WDR25: variants seen among roughly 807,000 people sequenced by gnomAD.
WDR25 encodes WD repeat-containing protein 25.
Under a neutral mutation model 47.7 loss-of-function variants are expected in WDR25, and 35 were observed. That is an observed-to-expected ratio of 0.73 (90% CI 0.56 to 0.97). WDR25 has a LOEUF of 0.97. WDR25 is among the 50% of genes least tolerant of loss of function. The pLI, the probability that WDR25 is intolerant of heterozygous loss-of-function variation, is 0.00. For missense variants in WDR25, 634 were observed against 704.7 expected (o/e 0.90, Z 1.14); for synonymous variants, 248 against 278.9 (o/e 0.89, Z 1.10).
intron 2 of WDR25, among the ~76,000 whole-genome samples, chr14:100,382,523 A>T (rs1394586261): frequency 6.6e-6 from 1 of 152,024 alleles, no homozygotes; most frequent in African/African-American, 2.4e-5. Context: ...TTTACATGGA[A>T]ACTCTTTTTT....
In WDR25 at chr14:100,431,479, T is replaced by G. The variant is rs116204205; in HGVS notation, c.823-36542T>G. ...AACTGAATTAATATTGAGGATGATA[T>G]GCAGAGAATATGACAGTTGGAGAGC... On this transcript the variant is annotated intron_variant, in intron 2 of 6. Coordinates refer to ENST00000402312, the MANE Select transcript of WDR25 (RefSeq NM_001161476.3). Among the ~76,000 whole-genome samples, 689 of 152,246 alleles carry G rather than the reference T, an allele frequency of 4.5e-3. 4 individuals are homozygous for G. The highest frequency in any genetic ancestry group is 0.016 in the African/African-American group (671 of 41,544).
intron 2 of WDR25, among the ~76,000 whole-genome samples, chr14:100,427,593 G>A (rs80274253): frequency 0.03 from 4,529 of 152,310 alleles, 91 homozygotes; most frequent in Non-Finnish European, 0.045. Flanking sequence ...GGCAGGAGCC[G>A]GGGGTGACGT....
intron 2 of WDR25, among the ~76,000 whole-genome samples, chr14:100,446,550 C>CAAAA (rs55946078): frequency 4.0e-5 from 3 of 75,000 alleles, no homozygotes; most frequent in East Asian, 3.6e-4. Flanking sequence ...GACTCCATCT[C>CAAAA]AAAAAAAAAA....
chr14:100,450,221 T>C (rs1898980151), intron 2 of WDR25, among the ~76,000 whole-genome samples: 1 of 152,168 alleles, frequency 6.6e-6, no homozygotes, highest in Non-Finnish European at 1.5e-5. Flanking sequence ...CTCTTGTTGC[T>C]CTCCTCCTTC....
rs560117623 is a variant in WDR25 at position 100,481,495 on chromosome 14, A to C, written c.971-2499A>C. Among the ~76,000 whole-genome samples, 11 of 150,176 alleles carry C rather than the reference A, an allele frequency of 7.3e-5. No individual in the cohort carries two copies. The South Asian group carries it at 2.3e-3, about 32-fold the overall frequency. ...TTGCTGGTTGTTTATTTTTTGGTACAACCAGAAAATAGTGTGGGATATTGA... is the reference window on the plus strand; with the variant it reads ...TTGCTGGTTGTTTATTTTTTGGTACCACCAGAAAATAGTGTGGGATATTGA... On this transcript the variant is annotated intron_variant, in intron 3 of 6. Transcript: ENST00000402312.
chr14:100,529,591 G>C lies in WDR25; in HGVS notation c.1414-229G>C. 1 of 609,282 alleles carries C rather than the reference G, an allele frequency of 1.6e-6. No individual in the cohort carries two copies. The highest frequency in any genetic ancestry group is 2.0e-5 in the South Asian group (1 of 50,224). The allele number at this position is 609,282 out of a possible 1,614,324, so 37.7% of individuals were successfully genotyped here. On this transcript the variant is annotated intron_variant, in intron 6 of 6. Transcript: ENST00000402312. The surrounding 1 kb of genome is among the most constrained non-coding windows in gnomAD (Gnocchi z 5.1). Reference sequence around the variant, plus strand: ...TCACTGAGGCCAGACCCCTCAGCTGGGCTGGAGCTGGTCCCGCTGGATCTG... The same window carrying C: ...TCACTGAGGCCAGACCCCTCAGCTGCGCTGGAGCTGGTCCCGCTGGATCTG...
chr14:100,438,144 A>G (rs1898557448), intron 2 of WDR25, among the ~76,000 whole-genome samples: 1 of 152,242 alleles, frequency 6.6e-6, no homozygotes, highest in Non-Finnish European at 1.5e-5. Flanking sequence ...GCTGGTGTCT[A>G]ATTTCCAAGT....
intron 2 of WDR25, among the ~76,000 whole-genome samples, chr14:100,467,376 G>C (rs1056266926): frequency 6.6e-5 from 10 of 152,030 alleles, no homozygotes; most frequent in Admixed American, 5.9e-4. Flanking sequence ...AGATGCCAGG[G>C]ACGCAGGTGA....
At chr14:100,383,526 C>A (rs1896952660) in intron 2 of WDR25, among the ~76,000 whole-genome samples, 1 of 152,226 alleles carries the variant, frequency 6.6e-6, no homozygotes, top group Non-Finnish European at 1.5e-5. Flanking sequence ...TTTTACCTGC[C>A]CGCTCACCTC....
intron 2 of WDR25, among the ~76,000 whole-genome samples, chr14:100,426,522 G>T (rs561363926): frequency 6.6e-6 from 1 of 152,248 alleles, no homozygotes; most frequent in Admixed American, 6.5e-5. Flanking sequence ...AGACGCCTGC[G>T]TGCGCCCAGC....
In WDR25 at chr14:100,441,951, A is replaced by G. The variant is rs538193183; in HGVS notation, c.823-26070A>G. Among the ~76,000 whole-genome samples, 3 of 152,282 alleles carry G rather than the reference A, an allele frequency of 2.0e-5. No homozygotes were observed. The South Asian group carries it at 6.2e-4, about 32-fold the overall frequency. On this transcript the variant is annotated intron_variant, in intron 2 of 6. Transcript: ENST00000402312. ...TAGCTGAGAAACTTGTTAGAGGGTA[A>G]AGCAGTTGCTCAGGGTCACACATAG... is the stretch of plus-strand genomic sequence containing the variant.
Position 100,398,158 on chromosome 14 carries a change from G to C in WDR25, c.822+16412G>C, listed in dbSNP as rs556079354. Among the ~76,000 whole-genome samples, 441 of 152,328 alleles carry C rather than the reference G, an allele frequency of 2.9e-3. 1 individual carries two copies. The highest frequency in any genetic ancestry group is 4.5e-3 in the Non-Finnish European group (303 of 68,034). The stretch of plus-strand genomic sequence containing the variant: ...CGGCCTGGAGAAGACTTCTGATCAG[G>C]AGTGGGGAGTGTGAAGAGGTTGCAA... On this transcript the variant is annotated intron_variant, in intron 2 of 6. Transcript: ENST00000402312.
chr14:100,517,620 G>A (rs1222860179), intron 4 of WDR25, among the ~76,000 whole-genome samples: 1 of 152,130 alleles, frequency 6.6e-6, no homozygotes, highest in Non-Finnish European at 1.5e-5. Flanking sequence ...AAGGCAGGAG[G>A]ATCACCTGAG....
chr14:100,488,237 G>A lies in WDR25; in HGVS notation c.1101+4113G>A, dbSNP rs142698950. ...AGGATGTGTTCTGCACAAGCCAGCT[G>A]TGCGTACTTACTTGAAACTGGCTTC... On this transcript the variant is annotated intron_variant, in intron 4 of 6. Transcript: ENST00000402312. This position sits in a 1 kb window ranked among gnomAD's most constrained non-coding sequence, Gnocchi z 4.2. 4.3e-3 allele frequency among the ~76,000 whole-genome samples: 654 copies of A among 152,290 alleles called. 4 individuals carry two copies. The highest frequency in any genetic ancestry group is 6.8e-3 in the Middle Eastern group (2 of 294).
At chr14:100,521,596 T>G (rs2029879097) in intron 4 of WDR25, among the ~76,000 whole-genome samples, 1 of 152,212 alleles carries the variant, frequency 6.6e-6, no homozygotes, top group Admixed American at 6.5e-5. Flanking sequence ...TCCTCATTCT[T>G]TTTTACAACT....
At chr14:100,395,310 G>A (rs531649976) in intron 2 of WDR25, among the ~76,000 whole-genome samples, 5 of 152,262 alleles carry the variant, frequency 3.3e-5, no homozygotes, top group African/African-American at 1.2e-4. Flanking sequence ...TTTCCCCATC[G>A]TAAGTCAAGG....
rs2029969940 is a variant in WDR25, at chr14:100,523,661, G to T, written c.1102-2209G>T. Among the ~76,000 whole-genome samples the T allele has an allele frequency of 6.6e-6, 1 of 152,174 alleles. No individual in the cohort carries two copies. The highest frequency in any genetic ancestry group is 2.4e-5 in the African/African-American group (1 of 41,434). On this transcript the variant is annotated intron_variant, in intron 4 of 6. Transcript: ENST00000402312. This position sits in a 1 kb window ranked among gnomAD's most constrained non-coding sequence, Gnocchi z 4.7. ...ACCCAAGGCTGCTCTGGACGAGTCAGCAGCGGCCCAGCATCCCCCAGGTTT... is the reference window on the plus strand; with the variant it reads ...ACCCAAGGCTGCTCTGGACGAGTCATCAGCGGCCCAGCATCCCCCAGGTTT...
intron 2 of WDR25, among the ~76,000 whole-genome samples, chr14:100,400,654 TACA>T (rs1897356413): frequency 6.6e-6 from 1 of 152,270 alleles, no homozygotes; most frequent in African/African-American, 2.4e-5. Context: ...TTTTCATTAA[TACA>T]GGGCATGATA....
At chr14:100,380,536 C>G (rs1896857350) in intron 1 of WDR25, among the ~76,000 whole-genome samples, 1 of 151,126 alleles carries the variant, frequency 6.6e-6, no homozygotes, top group Non-Finnish European at 1.5e-5. Context: ...CTCTTGTTGA[C>G]CAGGCTGGAG....
Sources: allele counts gnomAD v4.1 joint callset (sites outside exome capture counted in the v4.1 genomes callset), GRCh38; gene constraint gnomAD v4.1.1; non-coding constraint Gnocchi (gnomAD v3.1); transcripts MANE v1.5; gene names NCBI Gene and HGNC (gene_info 2026-07-23, HGNC 2026-07-21).